Variants in SLC44A5 observed in about 807,000 individuals in gnomAD.
The protein encoded by SLC44A5 is solute carrier family 44 member 5.
A neutral mutation model predicts 101.8 loss-of-function variants in SLC44A5; 57 were observed. That is an observed-to-expected ratio of 0.56 (90% CI 0.45 to 0.70). The LOEUF (loss-of-function observed/expected upper bound fraction) is 0.70. Among genes scored for constraint, SLC44A5 ranks in the 30% least tolerant of loss-of-function variants. The probability of loss-of-function intolerance (pLI) is 0.00; values close to 1 mark genes in which losing one functional copy is unlikely to be tolerated. For synonymous variants in SLC44A5, 281 were observed against 290.9 expected, an observed-to-expected ratio of 0.97 and a Z score of 0.35; for missense variants, 737 against 853.1, an observed-to-expected ratio of 0.86 and a Z score of 1.70.
chr1:75,660,700 C>A, the SLC44A5 span, among the ~76,000 whole-genome samples: 2 of 152,044 alleles, frequency 1.3e-5, no homozygotes, highest in Non-Finnish European at 1.5e-5. Flanking sequence ...ATCAAGAAAG[C>A]AAGCCCATTT....
At chr1:75,457,195 A>G (rs1046334164) in intron 2 of SLC44A5, among the ~76,000 whole-genome samples, 1 of 152,238 alleles carries the variant, frequency 6.6e-6, no homozygotes, top group Non-Finnish European at 1.5e-5. Context: ...AGTAATAAAA[A>G]TGTTTCTTTT....
the SLC44A5 span, among the ~76,000 whole-genome samples, chr1:75,722,426 G>GTAAGTAA: frequency 6.6e-6 from 1 of 152,228 alleles, no homozygotes; most frequent in African/African-American, 2.4e-5. Context: ...ATATGAGTAA[G>GTAAGTAA]CAGCAAACTG....
At chr1:75,329,835 T>A (rs1021233846) in intron 4 of SLC44A5, among the ~76,000 whole-genome samples, 1 of 152,122 alleles carries the variant, frequency 6.6e-6, no homozygotes, top group Non-Finnish European at 1.5e-5. Flanking sequence ...CTCCTATTTT[T>A]AAGCCATTGC....
chr1:75,622,194 T>C, the SLC44A5 span, among the ~76,000 whole-genome samples: 1,507 of 152,184 alleles, frequency 9.9e-3, 9 homozygotes, highest in Non-Finnish European at 0.015. Flanking sequence ...AGAAACATCA[T>C]TGAAGGGCTT....
the SLC44A5 span, among the ~76,000 whole-genome samples, chr1:75,682,326 G>A: frequency 1.3e-5 from 2 of 152,046 alleles, no homozygotes; most frequent in Admixed American, 6.6e-5. Context: ...AACAAAGCTG[G>A]AGGCATCACA....
chr1:75,210,093 C>T, intron 23 of SLC44A5, among the ~76,000 whole-genome samples: 1 of 151,626 alleles, frequency 6.6e-6, no homozygotes, highest in East Asian at 1.9e-4. Context: ...GTTACTCAGG[C>T]TGGAATACAG....
chr1:75,233,873 G>T, intron 12 of SLC44A5, 113 bp downstream of exon 12: 1 of 768,882 alleles, frequency 1.3e-6, no homozygotes, highest in African/African-American at 1.8e-5. Context: ...TTTTTTGAGG[G>T]TAAAGAATAA....
the SLC44A5 span, among the ~76,000 whole-genome samples, chr1:75,678,640 G>C: frequency 6.7e-6 from 1 of 149,750 alleles, no homozygotes; most frequent in Admixed American, 6.6e-5. Flanking sequence ...ACCAAAAGTA[G>C]ATAAAACCAC....
intron 2 of SLC44A5, among the ~76,000 whole-genome samples, chr1:75,501,119 T>C (rs1249974348): frequency 6.6e-6 from 1 of 152,144 alleles, no homozygotes; most frequent in Non-Finnish European, 1.5e-5. Flanking sequence ...TATTGATATA[T>C]AAGATCACTT....
chr1:75,368,638 T>C (rs1034503422), intron 3 of SLC44A5, among the ~76,000 whole-genome samples: 1 of 139,100 alleles, frequency 7.2e-6, no homozygotes, highest in African/African-American at 2.7e-5. Context: ...CTTTAAAATG[T>C]GCATGCACAC....
intron 1 of SLC44A5, among the ~76,000 whole-genome samples, chr1:75,556,888 G>A (rs1378572379): frequency 2.0e-5 from 3 of 151,860 alleles, no homozygotes; most frequent in East Asian, 1.9e-4. Flanking sequence ...AAAGAAAGAC[G>A]GGTGATGAGT....
intron 14 of SLC44A5, among the ~76,000 whole-genome samples, chr1:75,221,430 G>A (rs981165567): frequency 1.3e-5 from 2 of 152,054 alleles, no homozygotes; most frequent in Admixed American, 1.3e-4. Flanking sequence ...TTATCTCTTG[G>A]CATGAATTTT....
intron 3 of SLC44A5, among the ~76,000 whole-genome samples, chr1:75,373,340 T>C (rs1243116224): frequency 6.6e-6 from 1 of 151,920 alleles, no homozygotes; most frequent in Non-Finnish European, 1.5e-5. Flanking sequence ...CAACAGGTCC[T>C]AAGGAAGGGG....
chr1:75,608,501 T>G (rs1174130494), intron 1 of SLC44A5, among the ~76,000 whole-genome samples: 2 of 152,050 alleles, frequency 1.3e-5, no homozygotes, highest in Non-Finnish European at 2.9e-5. Context: ...GTAGCAATTA[T>G]TTTAAAATGT....
At chr1:75,543,601 A>G (rs1429748194) in intron 1 of SLC44A5, among the ~76,000 whole-genome samples, 2 of 146,990 alleles carry the variant, frequency 1.4e-5, no homozygotes, top group Non-Finnish European at 3.0e-5. Context: ...ATAAATATAT[A>G]TATATATACA....
At chr1:75,214,133 G>A in intron 20 of SLC44A5, 144 bp from the exon 21 acceptor site, 3 of 634,020 alleles carry the variant, frequency 4.7e-6, no homozygotes, top group African/African-American at 3.7e-5. Flanking sequence ...AGAAATGATG[G>A]TGGAACTCAT....
chr1:75,586,204 T>C (rs145851708), intron 1 of SLC44A5, among the ~76,000 whole-genome samples: 259 of 152,212 alleles, frequency 1.7e-3, no homozygotes, highest in African/African-American at 6.1e-3. Context: ...AGAATCTGCT[T>C]TCTCTGCTTG....
chr1:75,390,194 A>G (rs1462670272), intron 3 of SLC44A5, among the ~76,000 whole-genome samples: 1 of 152,112 alleles, frequency 6.6e-6, no homozygotes, highest in South Asian at 2.1e-4. Context: ...AAAGCCCTGT[A>G]GCAGACAAAC....
Position 75,271,497 on chromosome 1 carries a change from T to TTTTTTGTGTGTG in SLC44A5, c.260+3460_260+3461insCACACACAAAAA, listed in dbSNP as rs1553152601. Among the ~76,000 whole-genome samples the TTTTTTGTGTGTG allele has an allele frequency of 3.3e-3, 485 of 146,390 alleles. 2 individuals carry two copies. The highest frequency in any genetic ancestry group is 5.6e-3 in the African/African-American group (220 of 39,360). On this transcript the variant is annotated intron_variant, in intron 6 of 23. Coordinates refer to ENST00000370859, the MANE Select transcript of SLC44A5 (RefSeq NM_001130058.2). ...AGTCCATTATATCACTCTGCATGTT[T>TTTTTTGTGTGTG]TGTGTGTGTGTGTGTGTGTGTGTGT...
Sources: allele counts gnomAD v4.1 joint callset (sites outside exome capture counted in the v4.1 genomes callset), GRCh38; gene constraint gnomAD v4.1.1; transcripts MANE v1.5; gene names NCBI Gene and HGNC (gene_info 2026-07-23, HGNC 2026-07-21).